CSMD1: variants seen among roughly 807,000 people sequenced by gnomAD.
CSMD1 encodes the protein CUB and Sushi multiple domains 1.
Under a neutral mutation model 417.5 loss-of-function variants are expected in CSMD1, and 213 were observed. The observed-to-expected ratio is 0.51, with a 90% CI of 0.46 to 0.57. The LOEUF is 0.57. Among genes scored for constraint, CSMD1 ranks in the 20% least tolerant of loss-of-function variants. The pLI is 0.00. For synonymous variants in CSMD1, 2,862 were observed against 1,736.8 expected (o/e 1.65, Z -16.11); for missense variants, 6,923 against 4,529.7 (o/e 1.53, Z -15.17).
At chr8:3,531,690 G>A (rs1484711353) in intron 10 of CSMD1, among the ~76,000 whole-genome samples, 1 of 152,164 alleles carries the variant, frequency 6.6e-6, no homozygotes, top group Non-Finnish European at 1.5e-5. Context: ...AGGGCAAAGA[G>A]TCCTCAGCAG....
chr8:3,921,321 CA>C (rs1163884854), intron 5 of CSMD1, among the ~76,000 whole-genome samples: 1 of 151,906 alleles, frequency 6.6e-6, no homozygotes, highest in East Asian at 1.9e-4. Flanking sequence ...AAGAGTTTAT[CA>C]TTTTTGTCTA....
chr8:3,238,334 A>G (rs1563172490), intron 26 of CSMD1, among the ~76,000 whole-genome samples: 1 of 152,002 alleles, frequency 6.6e-6, no homozygotes, highest in Admixed American at 6.6e-5. Context: ...TAAGGCAGGA[A>G]CTGGCCATCT....
Position 4,080,287 on chromosome 8 carries a change from C to T in CSMD1, c.416-48188G>A, listed in dbSNP as rs540288420. ...ACTCCTACTTGACAAGTGCACACCACGGTTACAGTGTACCTAAGAGTAAGG... is the reference window on the plus strand; with the variant it reads ...ACTCCTACTTGACAAGTGCACACCATGGTTACAGTGTACCTAAGAGTAAGG... On this transcript the variant is annotated intron_variant, in intron 3 of 69. Transcript: ENST00000635120. Among the ~76,000 whole-genome samples, 12 of 152,236 alleles carry T rather than the reference C, an allele frequency of 7.9e-5. No homozygotes were observed. The South Asian group carries it at 8.3e-4, about 11-fold the overall frequency.
rs568747512 is a variant in CSMD1 at position 4,336,968 on chromosome 8, A to C, written c.415+82985T>G. ...CAATGTTGAAATGGAGCAAACCCTC[A>C]GGATTTGCCGTGTTTTCTTCCCAGA... On this transcript the variant is annotated intron_variant, in intron 3 of 69. Transcript: ENST00000635120. Among the ~76,000 whole-genome samples, 399 of 152,196 alleles carry C rather than the reference A, an allele frequency of 2.6e-3. 1 individual carries two copies. Among genetic ancestry groups the C allele is most frequent in the African/African-American group, 9.1e-3 (378 of 41,508 alleles).
rs527513697 is a variant in CSMD1 at position 4,152,217 on chromosome 8, C to T, written c.416-120118G>A. ...TCTTTGGAGAAGAAGGAACACCATA[C>T]ACTTTCAACATTATTCCCACTTTCT... On this transcript the variant is annotated intron_variant, in intron 3 of 69. Coordinates refer to ENST00000635120, the MANE Select transcript of CSMD1 (RefSeq NM_033225.6). Among the ~76,000 whole-genome samples the T allele has an allele frequency of 8.5e-5, 13 of 152,250 alleles. 1 individual carries two copies. In the South Asian group the frequency reaches 2.5e-3, roughly 29 times the overall value.
At chr8:3,493,542 G>A (rs1796226594) in intron 11 of CSMD1, 81 bp downstream of exon 11, 2 of 1,193,350 alleles carry the variant, frequency 1.7e-6, no homozygotes, top group Admixed American at 2.1e-5. Context: ...CGAATTACAA[G>A]CCTGTAGCAG....
rs114589563 is a variant in CSMD1, at chr8:3,863,189, G to C, written c.819-109147C>G. On this transcript the variant is annotated intron_variant, in intron 5 of 69. Coordinates refer to ENST00000635120, the MANE Select transcript of CSMD1 (RefSeq NM_033225.6). ...AAGTCAAGGGATTACTTGAGGTCAG[G>C]AGTTTGAGACCAGCCTGGCCAACAT... Among the ~76,000 whole-genome samples, 1,214 of 152,166 alleles carry C rather than the reference G, an allele frequency of 8.0e-3. 14 individuals carry two copies. Among genetic ancestry groups the C allele is most frequent in the African/African-American group, 0.025 (1,048 of 41,498 alleles).
At chr8:3,759,448 G>A (rs1278232991) in intron 5 of CSMD1, among the ~76,000 whole-genome samples, 1 of 152,112 alleles carries the variant, frequency 6.6e-6, no homozygotes, top group African/African-American at 2.4e-5. Flanking sequence ...GAGGTTTCCT[G>A]GAAGTCTTCT....
At chr8:4,027,171 C>G (rs2688356) in intron 4 of CSMD1, among the ~76,000 whole-genome samples, 131,730 of 151,932 alleles carry the variant, frequency 0.87, 57,251 homozygotes, top group East Asian at 0.98. Context: ...CATTTAGTTA[C>G]GACGAGGTAA....
At chr8:4,362,230 A>G (rs992218648) in intron 3 of CSMD1, among the ~76,000 whole-genome samples, 8 of 152,136 alleles carry the variant, frequency 5.3e-5, no homozygotes, top group African/African-American at 9.7e-5. Flanking sequence ...GATTTTAACA[A>G]AAGACTTGTT....
At chr8:4,862,585 C>G (rs1183814171) in intron 1 of CSMD1, among the ~76,000 whole-genome samples, 1 of 151,926 alleles carries the variant, frequency 6.6e-6, no homozygotes, top group Non-Finnish European at 1.5e-5. Context: ...ATGTTAGAAC[C>G]ATTAAAATAA....
rs916401876 is a variant in CSMD1, at chr8:4,207,346, C to T, written c.416-175247G>A. ...CTAGGACTCGTAATTATCTGACTAGCAACAAATTAGCTTAATAGTTTAGAT... is the reference window on the plus strand; with the variant it reads ...CTAGGACTCGTAATTATCTGACTAGTAACAAATTAGCTTAATAGTTTAGAT... On this transcript the variant is annotated intron_variant, in intron 3 of 69. Transcript: ENST00000635120. 4.6e-5 allele frequency among the ~76,000 whole-genome samples: 7 copies of T among 152,188 alleles called. No homozygotes were observed. In the East Asian group the frequency reaches 1.4e-3, roughly 29 times the overall value.
chr8:3,544,963 G>T (rs1250528880), intron 10 of CSMD1, among the ~76,000 whole-genome samples: 3 of 151,324 alleles, frequency 2.0e-5, no homozygotes, highest in Non-Finnish European at 2.9e-5. Context: ...TTTCTCATGT[G>T]TCAACTTGAT....
intron 3 of CSMD1, among the ~76,000 whole-genome samples, chr8:4,244,709 A>C (rs528062887): frequency 1.3e-5 from 2 of 152,304 alleles, no homozygotes; most frequent in South Asian, 4.1e-4. Flanking sequence ...CTATGTCTAG[A>C]AAACTCAGTT....
At chr8:3,414,031 G>A (rs1007431167) in intron 12 of CSMD1, among the ~76,000 whole-genome samples, 12 of 151,102 alleles carry the variant, frequency 7.9e-5, no homozygotes, top group Non-Finnish European at 1.2e-4. Context: ...CCCAACTACT[G>A]GGGAGGCTGA....
At chr8:3,092,332 A>G (rs1301680443) in intron 47 of CSMD1, among the ~76,000 whole-genome samples, 3 of 152,208 alleles carry the variant, frequency 2.0e-5, no homozygotes, top group Non-Finnish European at 4.4e-5. Context: ...ATATATTTAG[A>G]GATAAATATA....
chr8:3,805,686 T>A (rs964569613), intron 5 of CSMD1, among the ~76,000 whole-genome samples: 3 of 152,130 alleles, frequency 2.0e-5, no homozygotes, highest in African/African-American at 7.2e-5. Flanking sequence ...TACTGTACCA[T>A]TGTGTTTCAT....
At chr8:4,507,729 G>C (rs1450314125) in intron 2 of CSMD1, among the ~76,000 whole-genome samples, 1 of 152,136 alleles carries the variant, frequency 6.6e-6, no homozygotes, top group African/African-American at 2.4e-5. Flanking sequence ...TTCAAGCTAA[G>C]AGGTAGATCA....
intron 25 of CSMD1, among the ~76,000 whole-genome samples, chr8:3,291,491 C>T (rs1160082463): frequency 2.0e-5 from 3 of 152,138 alleles, no homozygotes; most frequent in Admixed American, 1.3e-4. Flanking sequence ...TTGATTATTG[C>T]CTCAATTTCA....
Sources: gnomAD v4.1 joint callset for allele counts (sites outside exome capture counted in the v4.1 genomes callset) on GRCh38, gnomAD v4.1.1 for gene constraint, MANE v1.5 for transcripts, NCBI Gene and HGNC (gene_info 2026-07-23, HGNC 2026-07-21) for gene names.